The following IFT57 variants were observed in gnomAD, a reference collection of about 807,000 sequenced individuals.
IFT57 encodes intraflagellar transport 57.
Under a neutral mutation model 56.8 loss-of-function variants are expected in IFT57, and 59 were observed. The observed-to-expected ratio is 1.04, with a 90% CI of 0.84 to 1.29. IFT57 has a LOEUF of 1.29. Among genes scored for constraint, IFT57 ranks in the 50% most tolerant of loss-of-function variants. The pLI is 0.00. For synonymous variants in IFT57, 209 were observed against 186.1 expected, an observed-to-expected ratio of 1.12 and a Z score of -1.00; for missense variants, 470 against 522.1, an observed-to-expected ratio of 0.90 and a Z score of 0.97.
At position 108,163,722 on chromosome 3, in the gene IFT57, TC is replaced by T. The variant is rs1440986581; in HGVS notation, c.1051del (p.Glu351LysfsTer3). 1 of 1,605,920 alleles carries T rather than the reference TC, an allele frequency of 6.2e-7. No homozygotes were observed. The highest frequency in any genetic ancestry group is 8.5e-7 in the Non-Finnish European group (1 of 1,173,690). ...ERTRLLSEVM[E>X]ELEKVKQEME... ...TTCTTGTTTTACCTTTTCTAATTCT[TC>T]CATAACCTTTCATGAAAACAAGTTT... On this transcript the variant is annotated frameshift_variant, in exon 10 of 11. Coordinates refer to ENST00000264538, the MANE Select transcript of IFT57 (RefSeq NM_018010.4). LOFTEE classifies it high-confidence loss of function.
At chr3:108,192,248 C>T (rs953429271) in intron 5 of IFT57, among the ~76,000 whole-genome samples, 2 of 144,378 alleles carry the variant, frequency 1.4e-5, no homozygotes, top group African/African-American at 2.6e-5. Context: ...ATCTGAAAGA[C>T]AAAATATAAA....
intron 5 of IFT57, among the ~76,000 whole-genome samples, chr3:108,203,494 G>A (rs1278338827): frequency 6.6e-6 from 1 of 152,128 alleles, no homozygotes; most frequent in East Asian, 1.9e-4. Context: ...TTTATTTAAT[G>A]AAAGGAAGGA....
Position 108,174,777 on chromosome 3 carries a change from C to T in IFT57, c.778-6913G>A, listed in dbSNP as rs573648994. Among the ~76,000 whole-genome samples, 6 of 151,904 alleles carry T rather than the reference C, an allele frequency of 3.9e-5. No homozygotes were observed. The East Asian group carries it at 1.2e-3, about 30-fold the overall frequency. ...TTCAGCCATGATAATAATAAGCATG[C>T]CCCACATAGGGACTATCCTTTCAGC... On this transcript the variant is annotated intron_variant, in intron 6 of 10. Transcript: ENST00000264538.
At chr3:108,219,737 C>A (rs1289753) in intron 1 of IFT57, among the ~76,000 whole-genome samples, 165 bp from the exon 2 acceptor site, 13,920 of 152,010 alleles carry the variant, frequency 0.092, 701 homozygotes, top group Middle Eastern at 0.12. Context: ...TAATCCACAG[C>A]ACTCACATTG....
intron 4 of IFT57, among the ~76,000 whole-genome samples, chr3:108,211,829 T>C (rs1158714329): frequency 6.6e-6 from 1 of 152,218 alleles, no homozygotes; most frequent in East Asian, 1.9e-4. Flanking sequence ...ATAATTCTCC[T>C]ACCCATAATT....
Position 108,219,562 on chromosome 3 carries a change from C to CA in IFT57, c.222dup (p.Ala75CysfsTer22), listed in dbSNP as rs1232487375. 8 of 1,613,316 alleles carry CA rather than the reference C, an allele frequency of 5.0e-6. No homozygotes were observed. In the Admixed American group the frequency reaches 8.3e-5, roughly 17 times the overall value. On this transcript the variant is annotated frameshift_variant, in exon 2 of 11. Coordinates refer to ENST00000264538, the MANE Select transcript of IFT57 (RefSeq NM_018010.4). LOFTEE classifies it high-confidence loss of function. ...TGTTCGCCAGGGTTGGTAGGCAGTGCAAAATAGTGTCTGTTTCAAAACAAG... is the reference window on the plus strand; with the variant it reads ...TGTTCGCCAGGGTTGGTAGGCAGTGCAAAAATAGTGTCTGTTTCAAAACAAG...
chr3:108,186,182 T>G (rs326340), intron 6 of IFT57, among the ~76,000 whole-genome samples: 68,956 of 151,906 alleles, frequency 0.45, 16,100 homozygotes, highest in Middle Eastern at 0.55. Context: ...ATACCATTGT[T>G]GTTATAGAAA....
chr3:108,192,854 C>T (rs1202832263), intron 5 of IFT57, among the ~76,000 whole-genome samples: 3 of 150,342 alleles, frequency 2.0e-5, no homozygotes, highest in Non-Finnish European at 4.4e-5. Context: ...TTTAAAAGGG[C>T]CTTATAAGTT....
At chr3:108,219,694 A>C (rs1423838981) in intron 1 of IFT57, 122 bp from the exon 2 acceptor site, 1 of 950,814 alleles carries the variant, frequency 1.1e-6, no homozygotes, top group Non-Finnish European at 1.6e-6. Context: ...GGCCATCAAA[A>C]GACCTCGATA....
At chr3:108,195,547 T>G (rs539873491) in intron 5 of IFT57, among the ~76,000 whole-genome samples, 1 of 152,092 alleles carries the variant, frequency 6.6e-6, no homozygotes, top group Non-Finnish European at 1.5e-5. Context: ...CTATCCACAA[T>G]AGCCGAGATA....
At chr3:108,206,934 A>G (rs796670672) in intron 4 of IFT57, among the ~76,000 whole-genome samples, 1 of 152,136 alleles carries the variant, frequency 6.6e-6, no homozygotes, top group South Asian at 2.1e-4. Context: ...TTTGTAGTCA[A>G]TAAAGAAAGG....
chr3:108,190,360 C>T lies in IFT57; in HGVS notation c.777+1161G>A, dbSNP rs555779045. 5.9e-5 allele frequency among the ~76,000 whole-genome samples: 9 copies of T among 152,240 alleles called. No homozygotes were observed. In the South Asian group the frequency reaches 1.7e-3, roughly 28 times the overall value. On this transcript the variant is annotated intron_variant, in intron 6 of 10. Transcript: ENST00000264538. The stretch of plus-strand genomic sequence containing the variant: ...CCAAATCTCATCTTGAATTGTAATC[C>T]GCAAGTGTTAAGGGAGGAACCTGGT...
intron 5 of IFT57, among the ~76,000 whole-genome samples, chr3:108,200,219 A>G (rs1293550150): frequency 6.6e-6 from 1 of 152,310 alleles, no homozygotes; most frequent in East Asian, 1.9e-4. Flanking sequence ...ATATTGTGAC[A>G]AAGAGTGGGG....
intron 3 of IFT57, 39 bp downstream of exon 3, chr3:108,218,496 G>A: frequency 2.3e-6 from 2 of 880,096 alleles, no homozygotes; most frequent in Non-Finnish European, 3.6e-6. Flanking sequence ...CAAATGCTAT[G>A]CCCATAAAAT....
chr3:108,207,693 C>T (rs937191449), intron 4 of IFT57, among the ~76,000 whole-genome samples: 1 of 152,192 alleles, frequency 6.6e-6, no homozygotes, highest in African/African-American at 2.4e-5. Context: ...GTATCAGCAT[C>T]ACCTAGGTAC....
intron 5 of IFT57, among the ~76,000 whole-genome samples, chr3:108,192,012 A>C (rs888919457): frequency 2.0e-5 from 3 of 151,958 alleles, no homozygotes; most frequent in Non-Finnish European, 2.9e-5. Flanking sequence ...CATGTTTGGT[A>C]AGAAAACACT....
At chr3:108,199,518 T>C (rs1359901093) in intron 5 of IFT57, among the ~76,000 whole-genome samples, 2 of 152,152 alleles carry the variant, frequency 1.3e-5, no homozygotes, top group Non-Finnish European at 2.9e-5. Flanking sequence ...AGGTGAATAC[T>C]GGGGAGGAAA....
intron 4 of IFT57, among the ~76,000 whole-genome samples, chr3:108,209,853 T>A (rs2080334560): frequency 6.6e-6 from 1 of 152,148 alleles, no homozygotes; most frequent in Non-Finnish European, 1.5e-5. Flanking sequence ...GCTTGATAGC[T>A]GTGGATCTTG....
intron 6 of IFT57, among the ~76,000 whole-genome samples, chr3:108,169,645 C>G (rs953754082): frequency 6.6e-6 from 1 of 151,990 alleles, no homozygotes; most frequent in Non-Finnish European, 1.5e-5. Context: ...TTTAGTCCAT[C>G]TTGAGCTAAT....
Sources: allele counts gnomAD v4.1 joint callset (sites outside exome capture counted in the v4.1 genomes callset), GRCh38; gene constraint gnomAD v4.1.1; transcripts MANE v1.5; gene names NCBI Gene and HGNC (gene_info 2026-07-23, HGNC 2026-07-21).